Variants in GPHN observed in about 807,000 individuals in gnomAD.
GPHN encodes the protein gephyrin.
GPHN carries 17 observed loss-of-function variants against 95.5 expected under a neutral mutation model. The observed-to-expected ratio is 0.18, with a 90% CI of 0.12 to 0.27. The LOEUF (loss-of-function observed/expected upper bound fraction) is 0.27, where lower values mean the gene tolerates loss of function less well. Ranked by LOEUF, GPHN falls within the 10% of genes least tolerant of loss-of-function variation. The pLI is 1.00. For missense variants in GPHN, 660 were observed against 978.1 expected (o/e 0.67, Z 4.34); for synonymous variants, 320 against 322.5 (o/e 0.99, Z 0.08).
intron 12 of GPHN, among the ~76,000 whole-genome samples, chr14:67,099,219 C>T (rs2077559415): frequency 6.6e-6 from 1 of 151,828 alleles, no homozygotes; most frequent in Admixed American, 6.6e-5. Flanking sequence ...AAGCAATTCT[C>T]CTGCCTCAGC....
chr14:67,176,396 T>C (rs1253490090), intron 21 of GPHN, among the ~76,000 whole-genome samples: 1 of 152,256 alleles, frequency 6.6e-6, no homozygotes, highest in Non-Finnish European at 1.5e-5. Flanking sequence ...TTTGCATATG[T>C]TGAACCAGCC....
intron 1 of GPHN, among the ~76,000 whole-genome samples, chr14:66,526,789 A>G (rs1013044796): frequency 1.3e-5 from 2 of 152,158 alleles, no homozygotes; most frequent in African/African-American, 4.8e-5. Context: ...ATTGATTTGT[A>G]TATGTTGAAC....
chr14:67,159,358 T>C, intron 18 of GPHN, 57 bp from the exon 19 acceptor site: 3 of 966,050 alleles, frequency 3.1e-6, no homozygotes, highest in Non-Finnish European at 5.1e-6. Context: ...ATTTAAAGTG[T>C]TGAAAGTCTA....
At chr14:67,493,503 C>T in the GPHN span, among the ~76,000 whole-genome samples, 6 of 152,208 alleles carry the variant, frequency 3.9e-5, no homozygotes, top group East Asian at 1.9e-4. Flanking sequence ...TGACACAGGC[C>T]GCACCCTTCT....
chr14:67,640,125 A>C, the GPHN span, among the ~76,000 whole-genome samples: 2 of 151,988 alleles, frequency 1.3e-5, no homozygotes, highest in African/African-American at 2.4e-5. Context: ...AAAAAAATAA[A>C]AGATTTTTAT....
intron 1 of GPHN, among the ~76,000 whole-genome samples, chr14:66,615,243 G>A (rs1267505317): frequency 2.0e-5 from 3 of 152,008 alleles, no homozygotes; most frequent in African/African-American, 7.3e-5. Context: ...GGGATTGCTG[G>A]GTCAAATGGT....
At chr14:67,290,933 GAATTAA>G in the GPHN span, among the ~76,000 whole-genome samples, 7 of 152,052 alleles carry the variant, frequency 4.6e-5, no homozygotes, top group Admixed American at 3.9e-4. Flanking sequence ...AATTCTAGAT[GAATTAA>G]AATTAAATAG....
At chr14:67,307,486 T>C in the GPHN span, among the ~76,000 whole-genome samples, 1 of 152,186 alleles carries the variant, frequency 6.6e-6, no homozygotes, top group African/African-American at 2.4e-5. Context: ...ATATAAGCTA[T>C]TATTATGATT....
intron 4 of GPHN, among the ~76,000 whole-genome samples, chr14:66,861,096 A>G (rs1163472182): frequency 1.3e-5 from 2 of 152,126 alleles, no homozygotes; most frequent in Non-Finnish European, 2.9e-5. Context: ...GAGTGGCTGA[A>G]TGAATGAAAA....
chr14:66,521,742 C>A (rs74987456), intron 1 of GPHN, among the ~76,000 whole-genome samples: 2,321 of 152,140 alleles, frequency 0.015, 20 homozygotes, highest in Middle Eastern at 0.034. Flanking sequence ...GGTTCTACTT[C>A]TTTAAGACCA....
intron 2 of GPHN, among the ~76,000 whole-genome samples, chr14:66,711,735 C>G (rs944052923): frequency 6.6e-6 from 1 of 150,956 alleles, no homozygotes; most frequent in South Asian, 2.1e-4. Context: ...TGCTATCCCT[C>G]CCCCAGCCCC....
chr14:67,266,904 G>A, the GPHN span, among the ~76,000 whole-genome samples: 1 of 151,980 alleles, frequency 6.6e-6, no homozygotes, highest in African/African-American at 2.4e-5. Flanking sequence ...GAGCCTAGGA[G>A]TTCGACACCA....
At chr14:67,642,359 C>G in the GPHN span, 6 of 1,613,464 alleles carry the variant, frequency 3.7e-6, no homozygotes, top group African/African-American at 8.0e-5. Context: ...GGGAGGAGAC[C>G]ACAGGTAAGC....
intron 17 of GPHN, among the ~76,000 whole-genome samples, chr14:67,139,217 C>G (rs563720518): frequency 6.7e-6 from 1 of 149,822 alleles, no homozygotes; most frequent in East Asian, 1.9e-4. Context: ...AGCAATACTC[C>G]ATCTCAAAAA....
At chr14:66,595,757 G>A (rs770509386) in intron 1 of GPHN, among the ~76,000 whole-genome samples, 1 of 150,990 alleles carries the variant, frequency 6.6e-6, no homozygotes, top group Admixed American at 6.6e-5. Flanking sequence ...GAGCTCTTAA[G>A]TCTGGGCTCC....
chr14:67,374,094 T>A, the GPHN span, among the ~76,000 whole-genome samples: 1 of 152,184 alleles, frequency 6.6e-6, no homozygotes, highest in Non-Finnish European at 1.5e-5. Flanking sequence ...ATCTCTCATC[T>A]TGTACAGATT....
At chr14:66,784,417 C>A (rs1436095346) in intron 3 of GPHN, among the ~76,000 whole-genome samples, 1 of 151,884 alleles carries the variant, frequency 6.6e-6, no homozygotes, top group Non-Finnish European at 1.5e-5. Context: ...TAAATAAATT[C>A]TTTAAAGGGA....
At chr14:67,386,023 T>C in the GPHN span, 1 of 152,306 alleles carries the variant, frequency 6.6e-6, no homozygotes, top group Admixed American at 6.5e-5. Flanking sequence ...CCCAAGGTAA[T>C]GGTCATCTAC....
the GPHN span, among the ~76,000 whole-genome samples, chr14:67,669,959 G>C: frequency 2.0e-5 from 3 of 152,132 alleles, no homozygotes; most frequent in Non-Finnish European, 2.9e-5. Context: ...GCCAGGCCTG[G>C]TGCCATGCAC....
Sources: gnomAD v4.1 joint callset for allele counts (sites outside exome capture counted in the v4.1 genomes callset) on GRCh38, gnomAD v4.1.1 for gene constraint, MANE v1.5 for transcripts, NCBI Gene and HGNC (gene_info 2026-07-23, HGNC 2026-07-21) for gene names.